Variants in GPR89B observed in about 807,000 individuals in gnomAD.
The protein encoded by GPR89B is G protein-coupled receptor 89B.
GPR89B carries 25 observed loss-of-function variants against 52.4 expected under a neutral mutation model. The observed-to-expected ratio is 0.48, with a 90% CI of 0.35 to 0.67. GPR89B has a LOEUF of 0.67. Among genes scored for constraint, GPR89B ranks in the 30% least tolerant of loss-of-function variants. The probability of loss-of-function intolerance (pLI) is 0.01; values close to 1 mark genes in which losing one functional copy is unlikely to be tolerated. For missense variants in GPR89B, 146 were observed against 450.2 expected (o/e 0.32, Z 6.11); for synonymous variants, 52 against 151.2 (o/e 0.34, Z 4.81).
intron 10 of GPR89B, among the ~76,000 whole-genome samples, chr1:147,985,047 A>G (rs1174093337): frequency 2.6e-5 from 4 of 152,284 alleles, no homozygotes; most frequent in African/African-American, 7.2e-5. Context: ...GACTAATTTT[A>G]TCAGTTATTG....
chr1:147,974,970 C>T (rs1382986292), intron 10 of GPR89B, among the ~76,000 whole-genome samples: 4 of 151,848 alleles, frequency 2.6e-5, no homozygotes, highest in African/African-American at 7.3e-5. Context: ...TGATGGATTA[C>T]GTTTATTGAT....
At chr1:147,994,183 G>C (rs1245118719), downstream of GPR89B, 106 of 1,510,982 alleles carry the variant, frequency 7.0e-5, no homozygotes, top group Non-Finnish European at 9.0e-5. Flanking sequence ...GGTTTCCAGT[G>C]GAGTTTTTCT....
intron 10 of GPR89B, among the ~76,000 whole-genome samples, chr1:147,970,407 G>C (rs1452434032): frequency 6.6e-6 from 1 of 152,022 alleles, no homozygotes; most frequent in Non-Finnish European, 1.5e-5. Context: ...TGAGGCAGGA[G>C]AATCGCTTGA....
chr1:148,018,555 C>G, the GPR89B span, among the ~76,000 whole-genome samples: 2 of 151,324 alleles, frequency 1.3e-5, no homozygotes, highest in South Asian at 4.2e-4. Flanking sequence ...ACACTAATTA[C>G]TGCTAATTAT....
Position 147,986,341 on chromosome 1 carries a change from T to C in GPR89B, c.1005+47T>C. On this transcript the variant is annotated intron_variant, in intron 11 of 13. Transcript: ENST00000314163. The stretch of plus-strand genomic sequence containing the variant: ...TGGTTTGTCATGTTTCTGTTTTATC[T>C]GCTATAACTTATCATTGTTAAGATT... 1.9e-6 allele frequency: 3 copies of C among 1,607,498 alleles called. No homozygotes were observed. The South Asian group carries it at 3.3e-5, about 18-fold the overall frequency.
chr1:147,995,428 A>G (rs1449230693), downstream of GPR89B, among the ~76,000 whole-genome samples: 1 of 151,760 alleles, frequency 6.6e-6, no homozygotes, highest in Non-Finnish European at 1.5e-5. Context: ...TGTTGTTCTT[A>G]TACTGCCTCC....
the GPR89B span, among the ~76,000 whole-genome samples, chr1:148,025,549 A>AG: frequency 1.3e-5 from 2 of 149,694 alleles, no homozygotes; most frequent in South Asian, 4.2e-4. Context: ...AAAAAAAAAA[A>AG]AAGAATCTTA....
the GPR89B span, among the ~76,000 whole-genome samples, chr1:148,021,359 G>T: frequency 1.3e-5 from 2 of 151,876 alleles, no homozygotes; most frequent in Non-Finnish European, 2.9e-5. Flanking sequence ...AAAATTACCC[G>T]GGGGTGGTGG....
At chr1:147,966,095 C>T (rs1657015203) in intron 7 of GPR89B, among the ~76,000 whole-genome samples, 1 of 152,024 alleles carries the variant, frequency 6.6e-6, no homozygotes, top group South Asian at 2.1e-4. Context: ...GATCCACCTG[C>T]CTCGGCCTCC....
downstream of GPR89B, among the ~76,000 whole-genome samples, chr1:147,993,690 T>C (rs1206128206): frequency 2.0e-5 from 3 of 151,172 alleles, no homozygotes; most frequent in African/African-American, 7.3e-5. Flanking sequence ...AAGGGAAATG[T>C]TGAAAAATTT....
chr1:147,978,032 T>C (rs1657968273), intron 10 of GPR89B, among the ~76,000 whole-genome samples: 2 of 151,226 alleles, frequency 1.3e-5, no homozygotes, highest in East Asian at 3.9e-4. Flanking sequence ...TTCTGTGCCC[T>C]TGCTGGAGAG....
At chr1:147,942,483 A>G (rs1353251467) in intron 3 of GPR89B, among the ~76,000 whole-genome samples, 2 of 152,064 alleles carry the variant, frequency 1.3e-5, no homozygotes, top group African/African-American at 4.8e-5. Flanking sequence ...AAATGAAAAC[A>G]TACGTCCACA....
chr1:147,997,136 T>C (rs1180136757), downstream of GPR89B, among the ~76,000 whole-genome samples: 9 of 152,214 alleles, frequency 5.9e-5, no homozygotes, highest in Admixed American at 4.6e-4. Flanking sequence ...CGGTACCTCA[T>C]GCAGAGTACA....
chr1:148,012,452 G>C, the GPR89B span, among the ~76,000 whole-genome samples: 4 of 151,726 alleles, frequency 2.6e-5, no homozygotes, highest in Non-Finnish European at 5.9e-5. Context: ...TGGCCTGTGA[G>C]CTGCTTCCTC....
downstream of GPR89B, among the ~76,000 whole-genome samples, chr1:147,997,527 CAG>C (rs1171822595): frequency 4.6e-5 from 7 of 152,046 alleles, no homozygotes; most frequent in Non-Finnish European, 8.8e-5. Context: ...GACTGCCAAT[CAG>C]GGGTGATGCC....
intron 5 of GPR89B, among the ~76,000 whole-genome samples, chr1:147,945,670 G>A (rs1654905649): frequency 6.6e-6 from 1 of 151,938 alleles, no homozygotes; most frequent in African/African-American, 2.4e-5. Flanking sequence ...TTCATGACCT[G>A]GCTGCTGCTC....
the GPR89B span, among the ~76,000 whole-genome samples, chr1:148,006,500 T>C: frequency 1.3e-5 from 2 of 152,100 alleles, no homozygotes; most frequent in East Asian, 3.9e-4. Flanking sequence ...GGGGGATACA[T>C]TCCAAGACCC....
chr1:147,942,201 A>T (rs1553249046), intron 3 of GPR89B, among the ~76,000 whole-genome samples: 1 of 151,994 alleles, frequency 6.6e-6, no homozygotes, highest in East Asian at 1.9e-4. Flanking sequence ...GTAAGCACAT[A>T]TGAATAGATG....
downstream of GPR89B, among the ~76,000 whole-genome samples, chr1:147,998,442 G>GAC (rs1659366066): frequency 6.7e-6 from 1 of 148,798 alleles, no homozygotes; most frequent in Non-Finnish European, 1.5e-5. Context: ...TTCCACAATG[G>GAC]AGCCTTTCTC....
Sources: gnomAD v4.1 joint callset for allele counts (sites outside exome capture counted in the v4.1 genomes callset) on GRCh38, gnomAD v4.1.1 for gene constraint, MANE v1.5 for transcripts, NCBI Gene and HGNC (gene_info 2026-07-23, HGNC 2026-07-21) for gene names.